POLD1: variants seen among roughly 807,000 people sequenced by gnomAD.
The protein encoded by POLD1 is DNA polymerase delta 1, catalytic subunit, also known as DNA polymerase delta catalytic subunit.
In POLD1, 79 loss-of-function variants were observed where a neutral mutation model predicts 129.7. The ratio of observed to expected loss-of-function variants is 0.61; its 90% CI spans 0.51 to 0.73. The LOEUF (loss-of-function observed/expected upper bound fraction) is 0.73. Among genes scored for constraint, POLD1 ranks in the 30% least tolerant of loss-of-function variants. The pLI is 0.00. For synonymous variants in POLD1, 714 were observed against 683.3 expected (o/e 1.04, Z -0.70); for missense variants, 1,338 against 1,595.8 (o/e 0.84, Z 2.75).
rs1429575910 is a variant in POLD1 at position 50,406,352 on chromosome 19, T to A, written c.1383+30T>A. 1.9e-6 allele frequency: 3 copies of A among 1,612,692 alleles called. No homozygotes were observed. The highest frequency in any genetic ancestry group is 2.5e-6 in the Non-Finnish European group (3 of 1,179,162). ...GGGCGGGAGGTGGGGTGTGTCCCTG[T>A]CCTTGGAAGGCCACTGCCCAGGCCC... On this transcript the variant is annotated intron_variant, in intron 11 of 26. Coordinates refer to ENST00000440232, the MANE Select transcript of POLD1 (RefSeq NM_002691.4). This position sits in a 1 kb window ranked among gnomAD's most constrained non-coding sequence, Gnocchi z 5.5.
intron 1 of POLD1, among the ~76,000 whole-genome samples, chr19:50,397,690 A>G (rs965577837): frequency 1.3e-5 from 2 of 152,146 alleles, no homozygotes; most frequent in South Asian, 2.1e-4. Flanking sequence ...GGCGTGAGCC[A>G]TCACACCCGG....
rs2122381312 is a variant in POLD1, at chr19:50,409,449, A to C, written c.2007-70A>C. ...GTACGCCCAACCGTACATGGCACTC[A>C]CTTCCAGAAAGGAGCCCTGACCAAT... is the stretch of plus-strand genomic sequence containing the variant. On this transcript the variant is annotated intron_variant, in intron 16 of 26. Coordinates refer to ENST00000440232, the MANE Select transcript of POLD1 (RefSeq NM_002691.4). This position sits in a 1 kb window ranked among gnomAD's most constrained non-coding sequence, Gnocchi z 5.8. 6.3e-7 allele frequency: 1 copy of C among 1,599,530 alleles called. No homozygotes were observed. The highest frequency in any genetic ancestry group is 2.2e-5 in the East Asian group (1 of 44,792).
intron 1 of POLD1, among the ~76,000 whole-genome samples, chr19:50,396,337 C>T (rs886665025): frequency 6.6e-6 from 1 of 151,356 alleles, no homozygotes; most frequent in Non-Finnish European, 1.5e-5. Flanking sequence ...GATCCACCCG[C>T]CTCAGCTTCC....
rs1726801 is a variant in POLD1, at chr19:50,401,817, G to A, written c.356G>A (p.Arg119His). The A allele has an allele frequency of 0.092, 148,036 of 1,613,260 alleles. 9,626 individuals are homozygous for A. The highest frequency in any genetic ancestry group is 0.29 in the African/African-American group (21,916 of 74,942). ...GTGCCTGGGGGGCCCCCACCATCCC[G>A]CGGCTCCGTGCCTGTGCTCCGCGCC... The part of the protein sequence containing the change: ...QPVPGGPPPS[R>H]GSVPVLRAFG... Residue 119 changes from arginine to histidine, a missense_variant, in exon 4 of 27, where the codon CGC (arginine) becomes CAC (histidine). By Grantham distance (29) the Arg-to-His change is conservative. Coordinates refer to ENST00000440232, the MANE Select transcript of POLD1 (RefSeq NM_002691.4).
At chr19:50,412,810 ATGT>A (rs1555792421) in intron 17 of POLD1, among the ~76,000 whole-genome samples, 2 of 151,976 alleles carry the variant, frequency 1.3e-5, no homozygotes, top group Non-Finnish European at 2.9e-5. Flanking sequence ...GTGTTTCACC[ATGT>A]TGTCCAGGCT....
Position 50,417,274 on chromosome 19 carries a change from G to A in POLD1, c.3218+5G>A, listed in dbSNP as rs569395274. On this transcript the variant is annotated splice_donor_5th_base_variant and intron_variant, in intron 26 of 26. Coordinates refer to ENST00000440232, the MANE Select transcript of POLD1 (RefSeq NM_002691.4). ...CGAGGACGTCATCTGCACCAGGTGT[G>A]TGCCATGTCCCGACCCTGGGCTGCC... 5.1e-5 allele frequency: 80 copies of A among 1,583,452 alleles called. No homozygotes were observed. The East Asian group carries it at 1.4e-3, about 27-fold the overall frequency.
Position 50,406,599 on chromosome 19 carries a change from C to T in POLD1, c.1494+82C>T, listed in dbSNP as rs1312926954. On this transcript the variant is annotated intron_variant, in intron 12 of 26. Coordinates refer to ENST00000440232, the MANE Select transcript of POLD1 (RefSeq NM_002691.4). This position sits in a 1 kb window ranked among gnomAD's most constrained non-coding sequence, Gnocchi z 5.5. ...CCCGGCCTCTGACCTCAACTTCACG[C>T]CCCCACGTCTGACCTCACTCTTTGA... The T allele has an allele frequency of 2.0e-6, 2 of 1,018,138 alleles. No homozygotes were observed. Among genetic ancestry groups the T allele is most frequent in the African/African-American group, 1.6e-5 (1 of 63,212 alleles). The allele number at this position is 1,018,138 out of a possible 1,614,324, so 63.1% of individuals were successfully genotyped here. A position where few individuals can be genotyped will look rare whatever the true frequency, so the allele number is the denominator to read the frequency against.
chr19:50,415,321 T>C, intron 20 of POLD1, 117 bp from the exon 21 acceptor site: 1 of 1,063,828 alleles, frequency 9.4e-7, no homozygotes, highest in Non-Finnish European at 1.4e-6. Context: ...AGGGCCCCTC[T>C]CTGCCCTGAG....
rs540110228 is a variant in POLD1, at chr19:50,399,456, C to T, written c.288C>T (p.Phe96=). 6.2e-7 allele frequency: 1 copy of T among 1,613,862 alleles called. No individual in the cohort carries two copies. The highest frequency in any genetic ancestry group is 1.3e-5 in the African/African-American group (1 of 75,060). The change falls in exon 3 of 27, where the codon TTC becomes TTT. Residue 96 remains phenylalanine, a synonymous_variant. Transcript: ENST00000440232. The part of the protein sequence containing the change: ...ALDPQTEPLI[F]QQLEIDHYVG... ...ACCCCCAGACAGAGCCCCTCATCTTCCAACAGTTGGAGATTGACCATTATG... is the reference window on the plus strand; with the variant it reads ...ACCCCCAGACAGAGCCCCTCATCTTTCAACAGTTGGAGATTGACCATTATG...
rs552789435 is a variant in POLD1 at position 50,389,805 on chromosome 19, C to CG, written c.-2+5416dup. On this transcript the variant is annotated intron_variant, in intron 1 of 26. Transcript: ENST00000440232. ...GGTTTCATTTTGGCCAGGCTGGTCT[C>CG]GAACCCCTGACCTCAGGTGATCCGC... 5.2e-3 allele frequency among the ~76,000 whole-genome samples: 792 copies of CG among 151,352 alleles called. 8 individuals are homozygous for CG. The highest frequency in any genetic ancestry group is 0.018 in the African/African-American group (760 of 41,224).
intron 1 of POLD1, among the ~76,000 whole-genome samples, chr19:50,389,887 GTTTT>G (rs111716675): frequency 7.1e-6 from 1 of 141,318 alleles, no homozygotes. Flanking sequence ...TGTCCAGCCT[GTTTT>G]TTTTTTTGTT....
intron 2 of POLD1, 150 bp downstream of exon 2, chr19:50,399,203 G>A (rs2038489363): frequency 1.5e-6 from 2 of 1,315,620 alleles, no homozygotes; most frequent in Non-Finnish European, 2.1e-6. Context: ...CGTGCAGCCT[G>A]TGTGGCCTAC....
intron 22 of POLD1, chr19:50,416,137 C>T (rs1284188892): frequency 1.7e-6 from 1 of 586,880 alleles, no homozygotes; most frequent in African/African-American, 1.9e-5. Flanking sequence ...ATCTTAGCCC[C>T]ATGACCTCTG....
intron 1 of POLD1, among the ~76,000 whole-genome samples, chr19:50,392,354 T>C (rs1017155246): frequency 2.6e-5 from 4 of 152,202 alleles, no homozygotes; most frequent in Non-Finnish European, 4.4e-5. Context: ...CACCTCAGCC[T>C]CCCAAAGTGT....
chr19:50,413,324 A>G (rs1365302359), intron 17 of POLD1, 102 bp from the exon 18 acceptor site: 22 of 927,140 alleles, frequency 2.4e-5, no homozygotes, highest in Middle Eastern at 2.1e-4. Context: ...ACATAAGCCT[A>G]TGCCACTGGG....
chr19:50,416,136 C>T (rs2039280277), intron 22 of POLD1: 2 of 587,196 alleles, frequency 3.4e-6, no homozygotes, highest in Non-Finnish European at 6.0e-6. Flanking sequence ...CATCTTAGCC[C>T]CATGACCTCT....
rs1601254052 is a variant in POLD1 at position 50,417,868 on chromosome 19, G to A, written c.3245G>A (p.Arg1082His). The A allele has an allele frequency of 3.1e-6, 5 of 1,609,122 alleles. No individual in the cohort carries two copies. Among genetic ancestry groups the A allele is most frequent in the Non-Finnish European group, 3.4e-6 (4 of 1,177,920 alleles). Reference protein sequence around the residue: ...TSRDCPIFYMRKKVRKDLEDQ... With the variant: ...TSRDCPIFYMHKKVRKDLEDQ... The stretch of plus-strand genomic sequence containing the variant: ...CGGGACTGCCCCATCTTCTACATGC[G>A]CAAGAAGGTGCGGAAGGACCTGGAA... The change falls in exon 27 of 27, where the codon CGC becomes CAC. Residue 1082 changes from arginine (R) to histidine (H), a missense_variant. This residue lies in a region of POLD1 where 286 missense variants were observed against 277.5 expected (regional missense o/e 1.03). Coordinates refer to ENST00000440232, the MANE Select transcript of POLD1 (RefSeq NM_002691.4).
chr19:50,414,014 G>A, intron 19 of POLD1, 135 bp downstream of exon 19: 2 of 947,470 alleles, frequency 2.1e-6, no homozygotes, highest in Non-Finnish European at 3.0e-6. Flanking sequence ...TGGGGCCTTG[G>A]TTTGGGAAGC....
At chr19:50,400,138 T>A (rs1247521077) in intron 3 of POLD1, among the ~76,000 whole-genome samples, 89 of 119,422 alleles carry the variant, frequency 7.5e-4, no homozygotes, top group African/African-American at 4.0e-3. Flanking sequence ...AAAAGATTTT[T>A]TTTTTTTTTT....
Sources: gnomAD v4.1 joint callset for allele counts (sites outside exome capture counted in the v4.1 genomes callset) on GRCh38, gnomAD v4.1.1 for gene constraint, gnomAD v4.1.1 regional missense constraint, Gnocchi (gnomAD v3.1) non-coding constraint, MANE v1.5 for transcripts, NCBI Gene and HGNC (gene_info 2026-07-23, HGNC 2026-07-21) for gene names.